The following CAMK1D variants were observed in gnomAD, a reference collection of about 807,000 sequenced individuals.
CAMK1D encodes the protein calcium/calmodulin dependent protein kinase ID.
Under a neutral mutation model 47.7 loss-of-function variants are expected in CAMK1D, and 9 were observed. The ratio of observed to expected loss-of-function variants is 0.19; its 90% CI spans 0.11 to 0.33. The LOEUF (loss-of-function observed/expected upper bound fraction) is 0.33, where lower values mean the gene tolerates loss of function less well. Ranked by LOEUF, CAMK1D falls within the 10% of genes least tolerant of loss-of-function variation. The pLI is 1.00. For missense variants in CAMK1D, 291 were observed against 488.7 expected (o/e 0.60, Z 3.81); for synonymous variants, 184 against 184.9 (o/e 0.99, Z 0.04).
chr10:12,454,895 T>C (rs546995228), intron 1 of CAMK1D, among the ~76,000 whole-genome samples: 1 of 152,358 alleles, frequency 6.6e-6, no homozygotes, highest in East Asian at 1.9e-4. Context: ...TACATTCTCA[T>C]TGCCAGGTTA....
intron 1 of CAMK1D, among the ~76,000 whole-genome samples, chr10:12,396,964 A>G (rs773884409): frequency 2.0e-5 from 3 of 152,218 alleles, no homozygotes; most frequent in Non-Finnish European, 4.4e-5. Context: ...GTGTGATTTT[A>G]AAACAATTTA....
intron 2 of CAMK1D, among the ~76,000 whole-genome samples, chr10:12,638,718 A>C (rs1358928667): frequency 6.6e-6 from 1 of 152,198 alleles, no homozygotes; most frequent in African/African-American, 2.4e-5. Flanking sequence ...TGTCTGCTGC[A>C]GGGCTGGCCG....
chr10:12,622,741 G>A (rs1839038137), intron 2 of CAMK1D, among the ~76,000 whole-genome samples: 1 of 152,022 alleles, frequency 6.6e-6, no homozygotes, highest in Non-Finnish European at 1.5e-5. Flanking sequence ...GGCTTTGGTG[G>A]CATCAGTCAG....
chr10:12,695,309 C>T (rs937177138), intron 3 of CAMK1D, among the ~76,000 whole-genome samples: 2 of 152,120 alleles, frequency 1.3e-5, no homozygotes, highest in East Asian at 1.9e-4. Context: ...GTGACCTTCA[C>T]GTAGAGGGCG....
intron 1 of CAMK1D, among the ~76,000 whole-genome samples, chr10:12,496,082 G>T (rs963949429): frequency 1.3e-5 from 2 of 152,054 alleles, no homozygotes; most frequent in Non-Finnish European, 2.9e-5. Flanking sequence ...TCCTGCCTCG[G>T]CCTCCCAAAG....
At chr10:12,581,162 C>T (rs1396344256) in intron 2 of CAMK1D, among the ~76,000 whole-genome samples, 1 of 152,172 alleles carries the variant, frequency 6.6e-6, no homozygotes, top group African/African-American at 2.4e-5. Context: ...TCCTGAGTTA[C>T]TTCACTTAGT....
intron 3 of CAMK1D, among the ~76,000 whole-genome samples, chr10:12,733,218 T>C (rs553587353): frequency 6.6e-6 from 1 of 152,248 alleles, no homozygotes; most frequent in South Asian, 2.1e-4. Flanking sequence ...TGAAGGTAAA[T>C]TGGAGGAGGA....
At chr10:12,409,135 G>A (rs1465463122) in intron 1 of CAMK1D, among the ~76,000 whole-genome samples, 2 of 152,108 alleles carry the variant, frequency 1.3e-5, no homozygotes, top group South Asian at 2.1e-4. Flanking sequence ...GGTATTACAG[G>A]CGTGAGCCAC....
chr10:12,464,814 T>TAAAA (rs11286227), intron 1 of CAMK1D, among the ~76,000 whole-genome samples: 1 of 142,380 alleles, frequency 7.0e-6, no homozygotes, highest in Non-Finnish European at 1.5e-5. Flanking sequence ...GACTCCATCT[T>TAAAA]AAAAAAAAAA....
intron 2 of CAMK1D, among the ~76,000 whole-genome samples, chr10:12,608,776 A>AGATAC (rs1838537749): frequency 6.6e-6 from 1 of 152,262 alleles, no homozygotes; most frequent in Non-Finnish European, 1.5e-5. Context: ...TGAGTTCTGG[A>AGATAC]GATACACAAA....
At chr10:12,427,631 T>G (rs1277524657) in intron 1 of CAMK1D, among the ~76,000 whole-genome samples, 2 of 151,592 alleles carry the variant, frequency 1.3e-5, no homozygotes, top group African/African-American at 4.9e-5. Context: ...CTTCATTTGG[T>G]TTCAAGCATT....
At chr10:12,515,052 G>A (rs553134745) in intron 1 of CAMK1D, among the ~76,000 whole-genome samples, 53 of 151,358 alleles carry the variant, frequency 3.5e-4, no homozygotes, top group African/African-American at 1.3e-3. Flanking sequence ...TAGTAGAGAC[G>A]GGGTTTCGCC....
chr10:12,394,230 G>C (rs558438798), intron 1 of CAMK1D, among the ~76,000 whole-genome samples: 1 of 152,250 alleles, frequency 6.6e-6, no homozygotes, highest in South Asian at 2.1e-4. Context: ...TGTAGGGTGG[G>C]GTGAGGTAGC....
At chr10:12,606,323 G>A (rs917726656) in intron 2 of CAMK1D, among the ~76,000 whole-genome samples, 1 of 152,176 alleles carries the variant, frequency 6.6e-6, no homozygotes. Context: ...AGGCGACCCC[G>A]GCACAGAGTC....
At chr10:12,596,417 G>T (rs987658685) in intron 2 of CAMK1D, among the ~76,000 whole-genome samples, 1 of 152,130 alleles carries the variant, frequency 6.6e-6, no homozygotes, top group Admixed American at 6.5e-5. Flanking sequence ...TTAGAGGTTA[G>T]TTGGCAGTTT....
intron 1 of CAMK1D, among the ~76,000 whole-genome samples, chr10:12,381,501 A>G (rs1838345202): frequency 6.6e-6 from 1 of 151,858 alleles, no homozygotes; most frequent in African/African-American, 2.4e-5. Context: ...GCACCTGGCT[A>G]ATTTTTGTAT....
intron 3 of CAMK1D, among the ~76,000 whole-genome samples, chr10:12,672,913 T>TTTTTTTTTTTTTTTTTTG: frequency 6.7e-6 from 1 of 150,322 alleles, no homozygotes; most frequent in Non-Finnish European, 1.5e-5. Flanking sequence ...TTTTTTTTTT[T>TTTTTTTTTTTTTTTTTTG]TTAGTCAGAG....
intron 1 of CAMK1D, among the ~76,000 whole-genome samples, chr10:12,371,811 C>T (rs556833713): frequency 6.6e-6 from 1 of 152,082 alleles, no homozygotes; most frequent in African/African-American, 2.4e-5. Flanking sequence ...GGATTACATG[C>T]ATGCACCACC....
chr10:12,575,220 G>C (rs2132324955), intron 2 of CAMK1D, among the ~76,000 whole-genome samples: 1 of 152,236 alleles, frequency 6.6e-6, no homozygotes, highest in East Asian at 1.9e-4. Flanking sequence ...AGCCTCGCAA[G>C]TAGCTGAGAT....
Sources: gnomAD v4.1 joint callset for allele counts (sites outside exome capture counted in the v4.1 genomes callset) on GRCh38, gnomAD v4.1.1 for gene constraint, MANE v1.5 for transcripts, NCBI Gene and HGNC (gene_info 2026-07-23, HGNC 2026-07-21) for gene names.